The following DNAJC5G variants were observed in gnomAD, a reference collection of about 807,000 sequenced individuals.
DNAJC5G encodes the protein DnaJ heat shock protein family (Hsp40) member C5 gamma.
In DNAJC5G, 13 loss-of-function variants were observed where a neutral mutation model predicts 19.1. That is an observed-to-expected ratio of 0.68 (90% CI 0.44 to 1.08). DNAJC5G has a LOEUF of 1.08. Ranked by LOEUF, DNAJC5G falls within the 50% of genes least tolerant of loss-of-function variation. DNAJC5G has a pLI of 0.00. For synonymous variants in DNAJC5G, 81 were observed against 84.4 expected (o/e 0.96, Z 0.22); for missense variants, 245 against 230.4 (o/e 1.06, Z -0.41).
Position 27,276,733 on chromosome 2 carries a change from C to T in DNAJC5G, c.5C>T (p.Ser2Phe), listed in dbSNP as rs1374526405. The change falls in exon 3 of 7, where the codon TCT becomes TTT. Residue 2 changes from serine (S) to phenylalanine (F), a missense_variant. Ser to Phe is a radical substitution (Grantham distance 155, BLOSUM62 -2). Coordinates refer to ENST00000296097, the MANE Select transcript of DNAJC5G (RefSeq NM_173650.3). ...GCTTCTCCTCTGGCTCAGATCATGT[C>T]TACTGTGAAGGAAGCAGCACACCGG... M[S>F]TVKEAAHRLS... The T allele has an allele frequency of 6.2e-7, 1 of 1,613,814 alleles. No individual in the cohort carries two copies. The highest frequency in any genetic ancestry group is 1.7e-5 in the Admixed American group (1 of 59,964).
At position 27,278,219 on chromosome 2, in the gene DNAJC5G, G is replaced by A. The variant is rs1572507229; in HGVS notation, c.407G>A (p.Cys136Tyr). ...GTCATCCTGTGTACTCTGCTCACTT[G>A]TTGCTGTTTCTGTTGTTGCTGCTGT... Reference protein sequence around the residue: ...TLVILCTLLTCCCFCCCCCFC... With the variant: ...TLVILCTLLTYCCFCCCCCFC... Residue 136 changes from cysteine (C) to tyrosine (Y), a missense_variant, in exon 5 of 7, where the codon TGT (cysteine) becomes TAT (tyrosine). Cys to Tyr is a radical substitution (Grantham distance 194). Transcript: ENST00000296097. 2 of 1,614,040 alleles carry A rather than the reference G, an allele frequency of 1.2e-6. No homozygotes were observed. Among genetic ancestry groups the A allele is most frequent in the Non-Finnish European group, 1.7e-6 (2 of 1,180,036 alleles).
rs1281535949 is a variant in DNAJC5G, at chr2:27,278,650, C to T, written c.520+318C>T. ...AGTGAGCTGAGATCGCGCCACTGCA[C>T]TCCAGCCTGGGAGACAGAGCAAGAC... On this transcript the variant is annotated intron_variant, in intron 5 of 6. Transcript: ENST00000296097. Among the ~76,000 whole-genome samples the T allele has an allele frequency of 2.9e-5, 4 of 137,758 alleles. No individual in the cohort carries two copies. In the South Asian group the frequency reaches 9.3e-4, roughly 32 times the overall value. The allele number at this position is 137,758 out of a possible 152,430, so 90.4% of individuals were successfully genotyped here.
chr2:27,275,643 C>G (rs950595277), intron 1 of DNAJC5G, 90 bp downstream of exon 1: 3 of 194,146 alleles, frequency 1.5e-5, no homozygotes, highest in African/African-American at 7.0e-5. Flanking sequence ...TTGCCTTGCT[C>G]GGTTCTCCTG....
At chr2:27,279,281 GTTGTTGTTGTT>G (rs950702879) in intron 5 of DNAJC5G, among the ~76,000 whole-genome samples, 1 of 151,434 alleles carries the variant, frequency 6.6e-6, no homozygotes, top group African/African-American at 2.4e-5. Context: ...TGCAATTTTT[GTTGTTGTTGTT>G]TTGTTGTTGT....
intron 5 of DNAJC5G, among the ~76,000 whole-genome samples, chr2:27,279,801 TAGTCTC>T (rs2148179814): frequency 6.7e-6 from 1 of 149,272 alleles, no homozygotes; most frequent in East Asian, 2.0e-4. Context: ...TGCACACCTG[TAGTCTC>T]AGCTACAGGG....
intron 5 of DNAJC5G, among the ~76,000 whole-genome samples, chr2:27,279,532 A>G (rs1322475946): frequency 6.6e-6 from 1 of 152,108 alleles, no homozygotes; most frequent in Non-Finnish European, 1.5e-5. Context: ...CCTGACCTCA[A>G]GTGATCCACC....
At chr2:27,279,216 A>T (rs1558577152) in intron 5 of DNAJC5G, among the ~76,000 whole-genome samples, 1 of 152,092 alleles carries the variant, frequency 6.6e-6, no homozygotes. Flanking sequence ...AAGCTAAGGA[A>T]TGGGGTGGGA....
intron 5 of DNAJC5G, 29 bp from the exon 6 acceptor site, chr2:27,280,137 A>G (rs370803655): frequency 2.2e-4 from 347 of 1,607,420 alleles, no homozygotes; most frequent in Non-Finnish European, 2.8e-4. Flanking sequence ...ACGTTTGTAT[A>G]TGTAAACATA....
chr2:27,280,124 T>G (rs750670698), intron 5 of DNAJC5G, 42 bp from the exon 6 acceptor site: 2 of 1,594,694 alleles, frequency 1.3e-6, no homozygotes, highest in Non-Finnish European at 1.7e-6. Context: ...GAAAAGTTAC[T>G]AAACGTTTGT....
At position 27,276,773 on chromosome 2, in the gene DNAJC5G, G is replaced by C; in HGVS notation, c.45G>C (p.Glu15Asp). 1.2e-6 allele frequency: 2 copies of C among 1,614,092 alleles called. No individual in the cohort carries two copies. Among genetic ancestry groups the C allele is most frequent in the Non-Finnish European group, 1.7e-6 (2 of 1,180,034 alleles). ...KEAAHRLSKS[E>D]MSLYAVLDLK... ...CAGCACACCGGCTGTCCAAAAGTGA[G>C]ATGAGCCTCTATGCAGTGCTGGATC... The change falls in exon 3 of 7, where the codon GAG (glutamate) becomes GAC (aspartate). Residue 15 changes from glutamate (E) to aspartate (D), a missense_variant. Physicochemically the swap from Glu to Asp is conservative, Grantham distance 45. Coordinates refer to ENST00000296097, the MANE Select transcript of DNAJC5G (RefSeq NM_173650.3).
At chr2:27,278,609 G>A (rs544171403) in intron 5 of DNAJC5G, among the ~76,000 whole-genome samples, 62 of 149,508 alleles carry the variant, frequency 4.1e-4, no homozygotes, top group Middle Eastern at 3.5e-3. Context: ...GCTTGAACCC[G>A]GAAGGCAGAG....
intron 2 of DNAJC5G, 113 bp from the exon 3 acceptor site, chr2:27,276,613 A>C: frequency 1.2e-6 from 1 of 818,142 alleles, no homozygotes; most frequent in Non-Finnish European, 1.9e-6. Context: ...TCCTTCTGTC[A>C]TCGTTTACCT....
intron 6 of DNAJC5G, 86 bp downstream of exon 6, chr2:27,280,319 A>T (rs916241625): frequency 8.9e-7 from 1 of 1,128,806 alleles, no homozygotes; most frequent in Non-Finnish European, 1.3e-6. Flanking sequence ...GAAAGTTTAC[A>T]TCCTTATAGT....
At position 27,281,370 on chromosome 2, in the gene DNAJC5G, T is replaced by C. The variant is rs1678362908; in HGVS notation, c.*960T>C. The stretch of plus-strand genomic sequence containing the variant: ...TCACAGCCTACTAATTCCTCAAACT[T>C]CTCTCCCTGGACTAGGAGAAAGGCT... On this transcript the variant is annotated 3_prime_UTR_variant, in exon 7 of 7. Transcript: ENST00000296097. 1 of 152,228 alleles carries C rather than the reference T, an allele frequency of 6.6e-6. No homozygotes were observed. The highest frequency in any genetic ancestry group is 6.6e-5 in the Admixed American group (1 of 15,262). 9.4% of individuals were successfully genotyped at this position (152,228 alleles called of 1,614,324 possible).
Position 27,278,327 on chromosome 2 carries a change from G to A in DNAJC5G, c.515G>A (p.Arg172Lys). The change falls in exon 5 of 7, where the codon AGG becomes AAG. Residue 172 changes from arginine to lysine, a missense_variant. Physicochemically the swap from Arg to Lys is conservative, Grantham distance 26 (BLOSUM62 2). Coordinates refer to ENST00000296097, the MANE Select transcript of DNAJC5G (RefSeq NM_173650.3). ...CAGAATGTCCAGAGTCAGCCTCCAAGGTCAGGTGAGAACTGCAAGCAGGGA... is the reference window on the plus strand; with the variant it reads ...CAGAATGTCCAGAGTCAGCCTCCAAAGTCAGGTGAGAACTGCAAGCAGGGA... ...YQQNVQSQPP[R>K]SGAKCDFRSE... is the part of the protein sequence containing the mutation. The A allele has an allele frequency of 2.5e-6, 4 of 1,614,078 alleles. No individual in the cohort carries two copies. Among genetic ancestry groups the A allele is most frequent in the African/African-American group, 1.3e-5 (1 of 75,016 alleles).
chr2:27,281,131 T>C lies in DNAJC5G; in HGVS notation c.*721T>C, dbSNP rs370865209. The C allele has an allele frequency of 3.0e-4, 46 of 152,352 alleles. No homozygotes were observed. The highest frequency in any genetic ancestry group is 9.2e-4 in the African/African-American group (38 of 41,444). The allele number at this position is 152,352 out of a possible 1,614,324, so 9.4% of individuals were successfully genotyped here. ...ACAGCATGCATTAGCCTTGGTCCTG[T>C]AGGTTAACTGAAGTTCAAACATCAG... On this transcript the variant is annotated 3_prime_UTR_variant, in exon 7 of 7. Coordinates refer to ENST00000296097, the MANE Select transcript of DNAJC5G (RefSeq NM_173650.3).
chr2:27,277,684 C>T (rs1338224929), intron 3 of DNAJC5G, 70 bp from the exon 4 acceptor site: 22 of 1,575,550 alleles, frequency 1.4e-5, no homozygotes, highest in Non-Finnish European at 1.8e-5. Context: ...CTTTGTACCA[C>T]ATCTCATGCA....
In DNAJC5G at chr2:27,278,306, A is replaced by T; in HGVS notation, c.494A>T (p.Asn165Ile). 1 of 1,614,194 alleles carries T rather than the reference A, an allele frequency of 6.2e-7. No individual in the cohort carries two copies. Among genetic ancestry groups the T allele is most frequent in the Non-Finnish European group, 8.5e-7 (1 of 1,180,044 alleles). ...EQDSGRKYQQ[N>I]VQSQPPRSGA... ...GATAGTGGGAGAAAATATCAGCAGA[A>T]TGTCCAGAGTCAGCCTCCAAGGTCA... is the stretch of plus-strand genomic sequence containing the variant. Residue 165 changes from asparagine (N) to isoleucine (I), a missense_variant, in exon 5 of 7, where the codon AAT (asparagine) becomes ATT (isoleucine). Coordinates refer to ENST00000296097, the MANE Select transcript of DNAJC5G (RefSeq NM_173650.3).
chr2:27,280,744 G>T lies in DNAJC5G; in HGVS notation c.*334G>T, dbSNP rs1262797257. The stretch of plus-strand genomic sequence containing the variant: ...AGTGGTGGCAGATTTTTCCTGAAGA[G>T]TCTTTTTCCTGTGTCTGCCTTGTTA... On this transcript the variant is annotated 3_prime_UTR_variant, in exon 7 of 7. Transcript: ENST00000296097. 1 of 153,336 alleles carries T rather than the reference G, an allele frequency of 6.5e-6. No individual in the cohort carries two copies. Among genetic ancestry groups the T allele is most frequent in the African/African-American group, 2.4e-5 (1 of 41,404 alleles). 9.5% of individuals were successfully genotyped at this position (153,336 alleles called of 1,614,324 possible).
Sources: gnomAD v4.1 joint callset for allele counts (sites outside exome capture counted in the v4.1 genomes callset) on GRCh38, gnomAD v4.1.1 for gene constraint, MANE v1.5 for transcripts, NCBI Gene and HGNC (gene_info 2026-07-23, HGNC 2026-07-21) for gene names.